The following ATG10 variants were observed in gnomAD, a reference collection of about 807,000 sequenced individuals.
ATG10 encodes the protein ubiquitin-like-conjugating enzyme ATG10.
In ATG10, 30 loss-of-function variants were observed where a neutral mutation model predicts 32.1. The ratio of observed to expected loss-of-function variants is 0.94; its 90% CI spans 0.70 to 1.27. The LOEUF (loss-of-function observed/expected upper bound fraction) is 1.27, where lower values mean the gene tolerates loss of function less well. Among genes scored for constraint, ATG10 ranks in the 50% most tolerant of loss-of-function variants. ATG10 has a pLI of 0.00. For missense variants in ATG10, 233 were observed against 262.3 expected (o/e 0.89, Z 0.77); for synonymous variants, 87 against 91.5 (o/e 0.95, Z 0.28).
chr5:82,065,221 C>CA (rs1330857259), intron 3 of ATG10, among the ~76,000 whole-genome samples: 5 of 152,156 alleles, frequency 3.3e-5, no homozygotes, highest in Admixed American at 6.5e-5. Flanking sequence ...CGCAGTGACT[C>CA]ACGCCTGTAA....
chr5:82,108,136 T>C (rs1330514144), intron 3 of ATG10, among the ~76,000 whole-genome samples: 1 of 152,022 alleles, frequency 6.6e-6, no homozygotes, highest in Admixed American at 6.6e-5. Context: ...CTGCACACCA[T>C]TTCGAGGAAA....
At chr5:82,100,772 GTTT>G (rs61096885) in intron 3 of ATG10, among the ~76,000 whole-genome samples, 7,983 of 113,926 alleles carry the variant, frequency 0.07, 659 homozygotes, top group African/African-American at 0.25. Flanking sequence ...ACAAGAACTA[GTTT>G]TTTTTTTTTT....
chr5:82,129,123 C>T (rs569056026), intron 3 of ATG10, among the ~76,000 whole-genome samples: 1 of 151,702 alleles, frequency 6.6e-6, no homozygotes, highest in Admixed American at 6.6e-5. Flanking sequence ...ATCCTTTCTT[C>T]TGCTTGATTG....
intron 3 of ATG10, among the ~76,000 whole-genome samples, chr5:82,157,821 C>G (rs982027445): frequency 1.3e-5 from 2 of 152,178 alleles, no homozygotes; most frequent in Non-Finnish European, 2.9e-5. Context: ...GGACTGTGGA[C>G]TGTCTTTGAA....
rs978346422 is a variant in ATG10 at position 82,249,099 on chromosome 5, T to C, written c.454-3463T>C. On this transcript the variant is annotated intron_variant, in intron 5 of 7. Coordinates refer to ENST00000282185, the MANE Select transcript of ATG10 (RefSeq NM_031482.5). ...ATTAGAACATAACCTTAAATGCTAA[T>C]ATGACTGTTTTATGTTCTTTGAGGA... Among the ~76,000 whole-genome samples the C allele has an allele frequency of 2.0e-5, 3 of 152,278 alleles. No homozygotes were observed. The East Asian group carries it at 5.8e-4, about 29-fold the overall frequency.
chr5:82,142,853 G>A (rs1767207648), intron 3 of ATG10, among the ~76,000 whole-genome samples: 1 of 152,156 alleles, frequency 6.6e-6, no homozygotes, highest in African/African-American at 2.4e-5. Flanking sequence ...TGGAGTAGAA[G>A]GGGAAATGAA....
chr5:82,227,954 C>T (rs1225272692), intron 5 of ATG10, among the ~76,000 whole-genome samples: 6 of 151,906 alleles, frequency 3.9e-5, no homozygotes, highest in Non-Finnish European at 7.4e-5. Flanking sequence ...GCCTGTAATC[C>T]CAGCACTTTG....
Position 82,090,232 on chromosome 5 carries a change from C to T in ATG10, c.216+31630C>T, listed in dbSNP as rs145710273. Among the ~76,000 whole-genome samples the T allele has an allele frequency of 1.6e-3, 243 of 152,084 alleles. 1 individual carries two copies. Among genetic ancestry groups the T allele is most frequent in the Middle Eastern group, 0.01 (3 of 294 alleles). On this transcript the variant is annotated intron_variant, in intron 3 of 7. Coordinates refer to ENST00000282185, the MANE Select transcript of ATG10 (RefSeq NM_031482.5). ...TTTAGAAAACGAAACATACAATTAC[C>T]ATATGACCCAGCAATTATGCTTCTG...
At chr5:82,233,905 A>G (rs1240893716) in intron 5 of ATG10, among the ~76,000 whole-genome samples, 2 of 152,226 alleles carry the variant, frequency 1.3e-5, no homozygotes, top group East Asian at 1.9e-4. Flanking sequence ...GTGCCCTTAC[A>G]GAAAAGGCAT....
intron 5 of ATG10, among the ~76,000 whole-genome samples, chr5:82,246,173 C>A (rs542399986): frequency 1.3e-5 from 2 of 151,124 alleles, no homozygotes; most frequent in African/African-American, 2.4e-5. Context: ...TGGGTTCAAG[C>A]GATTCTCCTG....
intron 5 of ATG10, among the ~76,000 whole-genome samples, chr5:82,237,965 AG>A (rs1746633167): frequency 6.6e-6 from 1 of 152,240 alleles, no homozygotes; most frequent in Non-Finnish European, 1.5e-5. Context: ...GAAGCCATAC[AG>A]CAAGCATTAG....
chr5:82,177,544 T>C (rs780105846), intron 4 of ATG10, among the ~76,000 whole-genome samples: 5 of 152,178 alleles, frequency 3.3e-5, no homozygotes, highest in African/African-American at 7.2e-5. Flanking sequence ...TAGCTCTGAA[T>C]GGATCAAGTT....
chr5:82,200,932 C>G (rs1223638981), intron 5 of ATG10, among the ~76,000 whole-genome samples: 3 of 151,480 alleles, frequency 2.0e-5, no homozygotes, highest in South Asian at 2.1e-4. Context: ...CTCTGTCACC[C>G]AGGCTGGAGT....
intron 5 of ATG10, among the ~76,000 whole-genome samples, chr5:82,244,026 G>A (rs1746917333): frequency 6.6e-6 from 1 of 152,128 alleles, no homozygotes; most frequent in South Asian, 2.1e-4. Flanking sequence ...TCACATAGTA[G>A]GGCCAACAAT....
intron 3 of ATG10, among the ~76,000 whole-genome samples, chr5:82,111,623 C>G (rs1313364348): frequency 1.3e-5 from 2 of 151,798 alleles, no homozygotes; most frequent in Non-Finnish European, 2.9e-5. Context: ...TAAATTGAAG[C>G]CTTATTTCAT....
chr5:82,044,228 G>C lies in ATG10; in HGVS notation c.109-14267G>C, dbSNP rs550180240. On this transcript the variant is annotated intron_variant, in intron 2 of 7. Coordinates refer to ENST00000282185, the MANE Select transcript of ATG10 (RefSeq NM_031482.5). ...TCACAATGACAGAGCAGGAGAGAGA[G>C]CGAGCAAAGGGGGAAGTGCCACACA... Among the ~76,000 whole-genome samples, 18 of 152,188 alleles carry C rather than the reference G, an allele frequency of 1.2e-4. 1 individual carries two copies. The South Asian group carries it at 3.7e-3, about 32-fold the overall frequency.
At chr5:82,190,853 T>A (rs923205045) in intron 5 of ATG10, among the ~76,000 whole-genome samples, 2 of 152,006 alleles carry the variant, frequency 1.3e-5, no homozygotes, top group Non-Finnish European at 1.5e-5. Context: ...TTAACCAATT[T>A]TATGTTGTGA....
chr5:82,081,671 C>T (rs994910840), intron 3 of ATG10, among the ~76,000 whole-genome samples: 5 of 152,104 alleles, frequency 3.3e-5, no homozygotes, highest in African/African-American at 7.2e-5. Flanking sequence ...TATTGATTTG[C>T]GTATGTTGAA....
chr5:82,085,830 G>C (rs368369463), intron 3 of ATG10, among the ~76,000 whole-genome samples: 2 of 151,956 alleles, frequency 1.3e-5, no homozygotes, highest in African/African-American at 2.4e-5. Context: ...CTGTATTAAA[G>C]GACTATTTTA....
Sources: gnomAD v4.1 joint callset for allele counts (sites outside exome capture counted in the v4.1 genomes callset) on GRCh38, gnomAD v4.1.1 for gene constraint, MANE v1.5 for transcripts, NCBI Gene and HGNC (gene_info 2026-07-23, HGNC 2026-07-21) for gene names.